Variants in TMPRSS7 observed in about 807,000 individuals in gnomAD.
TMPRSS7 encodes transmembrane serine protease 7, also known as transmembrane protease serine 7.
A neutral mutation model predicts 95.6 loss-of-function variants in TMPRSS7; 81 were observed. That is an observed-to-expected ratio of 0.85 (90% CI 0.71 to 1.02). The LOEUF is 1.02. TMPRSS7 is among the 50% of genes least tolerant of loss of function. TMPRSS7 has a pLI of 0.00. For synonymous variants in TMPRSS7, 364 were observed against 337.8 expected (o/e 1.08, Z -0.85); for missense variants, 945 against 955.2 (o/e 0.99, Z 0.14).
chr3:112,055,005 C>T (rs765323737), intron 9 of TMPRSS7, among the ~76,000 whole-genome samples: 8 of 152,148 alleles, frequency 5.3e-5, no homozygotes, highest in Non-Finnish European at 1.2e-4. Context: ...TCCCAAAGTG[C>T]TTGGGATGAC....
At chr3:112,047,698 A>G (rs1306947036) in intron 6 of TMPRSS7, 41 bp from the exon 7 acceptor site, 1 of 1,333,038 alleles carries the variant, frequency 7.5e-7, no homozygotes, top group South Asian at 1.3e-5. Context: ...AGTCATTCCT[A>G]AAAAAAAAGA....
At chr3:112,045,169 A>C (rs1402998192) in intron 4 of TMPRSS7, among the ~76,000 whole-genome samples, 1 of 152,116 alleles carries the variant, frequency 6.6e-6, no homozygotes, top group Non-Finnish European at 1.5e-5. Flanking sequence ...CTTTTTTGAG[A>C]CAGAGTCTCG....
intron 9 of TMPRSS7, among the ~76,000 whole-genome samples, chr3:112,051,563 CTATG>C (rs1428187183): frequency 6.7e-5 from 9 of 133,616 alleles, no homozygotes; most frequent in South Asian, 2.4e-4. Context: ...ATCTATCTAT[CTATG>C]TATCTATCTA....
chr3:112,078,797 GCT>G lies in TMPRSS7; in HGVS notation c.2283_2284del (p.Val763PhefsTer38). The G allele has an allele frequency of 1.2e-6, 2 of 1,614,134 alleles. No homozygotes were observed. The highest frequency in any genetic ancestry group is 8.5e-7 in the Non-Finnish European group (1 of 1,180,026). On this transcript the variant is annotated frameshift_variant, in exon 17 of 18. Transcript: ENST00000452346. LOFTEE classifies it high-confidence loss of function. ...CGGAGGTAGAGCTCATTGATCAAAC[GCT>G]CTGTGTTTCCACCTACGGGATCATC...
chr3:112,046,072 T>G, intron 5 of TMPRSS7, 129 bp downstream of exon 5: 1 of 802,166 alleles, frequency 1.2e-6, no homozygotes, highest in African/African-American at 1.7e-5. Context: ...GGCGCAGGAT[T>G]AACTAAAGAC....
chr3:112,044,302 G>A (rs1322151926), exon 4 of TMPRSS7: 1 of 1,551,268 alleles, frequency 6.4e-7, no homozygotes, highest in African/African-American at 1.4e-5. Flanking sequence ...TTTATGAGCA[G>A]TCTGTTGTTG....
At chr3:112,052,774 C>T (rs931404503) in intron 9 of TMPRSS7, among the ~76,000 whole-genome samples, 15 of 152,104 alleles carry the variant, frequency 9.9e-5, no homozygotes, top group Admixed American at 8.5e-4. Flanking sequence ...GTTTGAAATT[C>T]CTTTGAGATA....
intron 1 of TMPRSS7, among the ~76,000 whole-genome samples, chr3:112,035,613 G>A (rs997074335): frequency 6.6e-6 from 1 of 152,200 alleles, no homozygotes; most frequent in Non-Finnish European, 1.5e-5. Context: ...TATTTCTTTG[G>A]CATTGGCATT....
intron 6 of TMPRSS7, chr3:112,047,381 C>T (rs1018686879): frequency 3.6e-6 from 2 of 563,030 alleles, no homozygotes; most frequent in Non-Finnish European, 6.7e-6. Context: ...AAAACCACCT[C>T]CACGTATTTC....
chr3:112,056,986 T>C, intron 9 of TMPRSS7, 39 bp from the exon 10 acceptor site: 1 of 1,416,934 alleles, frequency 7.1e-7, no homozygotes, highest in Non-Finnish European at 9.9e-7. Context: ...CATACTTTGA[T>C]TGAAGCATTT....
exon 12 of TMPRSS7, chr3:112,063,627 T>A: frequency 1.2e-6 from 2 of 1,613,648 alleles, no homozygotes; most frequent in Non-Finnish European, 1.7e-6. Context: ...GATGAACTGT[T>A]TTGCGGTGGG....
At chr3:112,038,266 A>C (rs936875377) in exon 2 of TMPRSS7, 1 of 702,964 alleles carries the variant, frequency 1.4e-6, no homozygotes, top group East Asian at 2.7e-5. Flanking sequence ...TTCTCTTCAC[A>C]GTATTTTTAT....
intron 8 of TMPRSS7, among the ~76,000 whole-genome samples, chr3:112,050,448 G>C (rs990939422): frequency 7.7e-6 from 1 of 129,836 alleles, no homozygotes; most frequent in Non-Finnish European, 1.6e-5. Flanking sequence ...CAAAACATAT[G>C]ATGTGAAAAC....
At chr3:112,054,154 G>A (rs879446637) in intron 9 of TMPRSS7, among the ~76,000 whole-genome samples, 1 of 152,196 alleles carries the variant, frequency 6.6e-6, no homozygotes, top group Non-Finnish European at 1.5e-5. Context: ...CTCATCTGAG[G>A]TGGGTTCTTG....
At chr3:112,076,475 T>C (rs958670147) in intron 15 of TMPRSS7, among the ~76,000 whole-genome samples, 1 of 152,212 alleles carries the variant, frequency 6.6e-6, no homozygotes, top group Non-Finnish European at 1.5e-5. Flanking sequence ...ATTCATATCA[T>C]TTGAATTTGG....
chr3:112,074,450 C>A, intron 14 of TMPRSS7, 38 bp downstream of exon 14: 1 of 1,457,576 alleles, frequency 6.9e-7, no homozygotes, highest in Non-Finnish European at 9.5e-7. Context: ...CCTGTATTCC[C>A]TCTTCAGTTT....
intron 13 of TMPRSS7, among the ~76,000 whole-genome samples, chr3:112,067,532 T>G (rs2073591990): frequency 6.6e-6 from 1 of 152,262 alleles, no homozygotes; most frequent in Non-Finnish European, 1.5e-5. Context: ...CTAACTGATG[T>G]GAGATAGTAT....
intron 9 of TMPRSS7, among the ~76,000 whole-genome samples, chr3:112,055,123 T>C (rs2073416289): frequency 6.6e-6 from 1 of 152,154 alleles, no homozygotes; most frequent in Admixed American, 6.5e-5. Flanking sequence ...GCCCTGGGTT[T>C]TCGGTAAACA....
At chr3:112,048,026 A>G (rs375071171) in intron 7 of TMPRSS7, 59 bp downstream of exon 7, 1 of 1,511,722 alleles carries the variant, frequency 6.6e-7, no homozygotes. Flanking sequence ...TCTGTTTTAC[A>G]GTATCTGTGT....
Sources: allele counts gnomAD v4.1 joint callset (sites outside exome capture counted in the v4.1 genomes callset), GRCh38; gene constraint gnomAD v4.1.1; transcripts MANE v1.5; gene names NCBI Gene and HGNC (gene_info 2026-07-23, HGNC 2026-07-21).